Variants in TRAM2 observed in about 807,000 individuals in gnomAD.
TRAM2 encodes the protein translocating chain-associated membrane protein 2.
A neutral mutation model predicts 51.0 loss-of-function variants in TRAM2; 12 were observed. That is an observed-to-expected ratio of 0.24 (90% CI 0.15 to 0.38). TRAM2 has a LOEUF of 0.38. TRAM2 is among the 10% of genes least tolerant of loss of function. The probability of loss-of-function intolerance (pLI) is 1.00; values close to 1 mark genes in which losing one functional copy is unlikely to be tolerated. For missense variants in TRAM2, 361 were observed against 462.0 expected, an observed-to-expected ratio of 0.78 and a Z score of 2.00; for synonymous variants, 175 against 179.4, an observed-to-expected ratio of 0.98 and a Z score of 0.20.
chr6:52,540,576 T>C (rs532206867), intron 1 of TRAM2, among the ~76,000 whole-genome samples: 1 of 152,170 alleles, frequency 6.6e-6, no homozygotes, highest in Non-Finnish European at 1.5e-5. Context: ...AGCCTTCTTC[T>C]GTGCCTTAAA....
chr6:52,531,555 C>G (rs1283471372), intron 2 of TRAM2, among the ~76,000 whole-genome samples: 2 of 152,176 alleles, frequency 1.3e-5, no homozygotes, highest in Non-Finnish European at 2.9e-5. Context: ...ATAGTGCCAC[C>G]CTGGGAAAAT....
At chr6:52,507,457 G>T (rs906212239) in intron 7 of TRAM2, 96 bp downstream of exon 7, 2 of 1,250,092 alleles carry the variant, frequency 1.6e-6, no homozygotes, top group East Asian at 2.4e-5. Context: ...GCACACAGAG[G>T]ATGTCAACAA....
At chr6:52,574,690 C>A (rs116068939) in intron 1 of TRAM2, among the ~76,000 whole-genome samples, 1 of 152,172 alleles carries the variant, frequency 6.6e-6, no homozygotes, top group African/African-American at 2.4e-5. Flanking sequence ...TTGTTTTTCT[C>A]GTCTTGGGCC....
intron 1 of TRAM2, among the ~76,000 whole-genome samples, chr6:52,561,330 T>TGA (rs1282028777): frequency 6.6e-6 from 1 of 152,244 alleles, no homozygotes; most frequent in Non-Finnish European, 1.5e-5. Flanking sequence ...TCACCCAGGC[T>TGA]GAAGTGCAGT....
chr6:52,502,967 G>A lies in TRAM2; in HGVS notation c.*230C>T. On this transcript the variant is annotated 3_prime_UTR_variant, in exon 11 of 11. Transcript: ENST00000182527. ...CAGGAGTGAGGACAGGAGGTGGCCT[G>A]AGGGGGAGAAAGAGAAAGATTTTTG... The A allele has an allele frequency of 1.7e-6, 1 of 590,630 alleles. No individual in the cohort carries two copies. The highest frequency in any genetic ancestry group is 2.8e-5 in the East Asian group (1 of 35,354). 36.6% of individuals were successfully genotyped at this position (590,630 alleles called of 1,614,324 possible). A position where few individuals can be genotyped will look rare whatever the true frequency, so the allele number is the denominator to read the frequency against.
intron 1 of TRAM2, among the ~76,000 whole-genome samples, chr6:52,558,755 CA>C (rs967808814): frequency 6.6e-6 from 1 of 152,064 alleles, no homozygotes; most frequent in Non-Finnish European, 1.5e-5. Flanking sequence ...TTTGCTGCAA[CA>C]AAAAGTCACA....
chr6:52,574,176 C>T (rs902580318), intron 1 of TRAM2, among the ~76,000 whole-genome samples: 3 of 152,084 alleles, frequency 2.0e-5, no homozygotes, highest in African/African-American at 4.8e-5. Context: ...AGAGAGAAAC[C>T]CAGAAGATCC....
chr6:52,561,487 C>CT (rs61175622), intron 1 of TRAM2, among the ~76,000 whole-genome samples: 16,102 of 130,184 alleles, frequency 0.12, 1,409 homozygotes, highest in East Asian at 0.49. Context: ...GTTTCTTTTT[C>CT]TTTTTTTTTT....
At chr6:52,503,955 G>A (rs1766290875) in intron 10 of TRAM2, among the ~76,000 whole-genome samples, 2 of 152,166 alleles carry the variant, frequency 1.3e-5, no homozygotes, top group South Asian at 2.1e-4. Flanking sequence ...CCAAGCAGGT[G>A]GCCACCTAGA....
intron 2 of TRAM2, among the ~76,000 whole-genome samples, chr6:52,519,141 G>A (rs181531701): frequency 7.7e-4 from 118 of 152,306 alleles, no homozygotes; most frequent in African/African-American, 2.6e-3. Flanking sequence ...GACGAACCAC[G>A]CACAGGGCTC....
intron 1 of TRAM2, among the ~76,000 whole-genome samples, chr6:52,551,915 C>A (rs1767316396): frequency 6.6e-6 from 1 of 152,250 alleles, no homozygotes; most frequent in African/African-American, 2.4e-5. Context: ...AAACTGACTT[C>A]TTTGTCCCCT....
At chr6:52,552,573 G>T (rs956339423) in intron 1 of TRAM2, among the ~76,000 whole-genome samples, 1 of 152,168 alleles carries the variant, frequency 6.6e-6, no homozygotes, top group Non-Finnish European at 1.5e-5. Context: ...TGTTTTAAGG[G>T]TGTTCTCTGA....
At chr6:52,554,225 G>C (rs1036736797) in intron 1 of TRAM2, among the ~76,000 whole-genome samples, 1 of 152,114 alleles carries the variant, frequency 6.6e-6, no homozygotes, top group Non-Finnish European at 1.5e-5. Context: ...TCCCACTTTG[G>C]TTTTGAAAAC....
intron 1 of TRAM2, among the ~76,000 whole-genome samples, chr6:52,561,231 A>C (rs1024036387): frequency 2.0e-5 from 3 of 152,134 alleles, no homozygotes; most frequent in African/African-American, 7.2e-5. Flanking sequence ...ATGCAAGTGG[A>C]TATTAAGGTG....
intron 4 of TRAM2, among the ~76,000 whole-genome samples, chr6:52,513,505 G>A (rs913790820): frequency 2.6e-5 from 4 of 152,118 alleles, no homozygotes; most frequent in African/African-American, 9.7e-5. Context: ...AGAAGCACCA[G>A]CAACAGGCAC....
intron 1 of TRAM2, among the ~76,000 whole-genome samples, chr6:52,545,310 G>A (rs937026450): frequency 3.9e-5 from 6 of 152,200 alleles, no homozygotes; most frequent in Admixed American, 3.9e-4. Flanking sequence ...GCAGGCCTTG[G>A]AGCAAGGTCC....
chr6:52,550,538 A>C (rs1458349208), intron 1 of TRAM2, among the ~76,000 whole-genome samples: 1 of 152,044 alleles, frequency 6.6e-6, no homozygotes, highest in Non-Finnish European at 1.5e-5. Flanking sequence ...GCAATGGGAC[A>C]CTATTTTTAT....
At chr6:52,516,881 C>T (rs1766561520) in intron 2 of TRAM2, 144 bp from the exon 3 acceptor site, 1 of 654,686 alleles carries the variant, frequency 1.5e-6, no homozygotes, top group South Asian at 1.8e-5. Context: ...AGGTTTCTGC[C>T]CCAGAATCCT....
chr6:52,504,871 GCCTTCACCACTGGC>G, intron 9 of TRAM2, 117 bp from the exon 10 acceptor site: 1 of 881,986 alleles, frequency 1.1e-6, no homozygotes, highest in Non-Finnish European at 1.7e-6. Context: ...TATCACGTCC[GCCTTCACCACTGGC>G]CCTCTTCGAT....
Sources: gnomAD v4.1 joint callset for allele counts (sites outside exome capture counted in the v4.1 genomes callset) on GRCh38, gnomAD v4.1.1 for gene constraint, MANE v1.5 for transcripts, NCBI Gene and HGNC (gene_info 2026-07-23, HGNC 2026-07-21) for gene names.